CEP63: variants seen among roughly 807,000 people sequenced by gnomAD.
CEP63 encodes the protein centrosomal protein 63.
CEP63 carries 84 observed loss-of-function variants against 89.1 expected under a neutral mutation model. That is an observed-to-expected ratio of 0.94 (90% confidence interval 0.79 to 1.13). CEP63 has a LOEUF of 1.13. Ranked by LOEUF, CEP63 falls within the 50% of genes most tolerant of loss-of-function variation. CEP63 has a pLI of 0.00. For missense variants in CEP63, 838 were observed against 813.3 expected (o/e 1.03, Z -0.37); for synonymous variants, 267 against 272.5 (o/e 0.98, Z 0.20).
the CEP63 span, among the ~76,000 whole-genome samples, chr3:134,602,462 C>G: frequency 1.3e-5 from 2 of 152,154 alleles, no homozygotes; most frequent in Non-Finnish European, 2.9e-5. Context: ...ATGTTTTCTC[C>G]GAGACAGGCA....
At chr3:134,633,249 C>G in the CEP63 span, among the ~76,000 whole-genome samples, 1 of 152,046 alleles carries the variant, frequency 6.6e-6, no homozygotes, top group East Asian at 1.9e-4. Flanking sequence ...CTTCATAACT[C>G]ATTTTATGAG....
chr3:134,642,409 G>A, the CEP63 span, among the ~76,000 whole-genome samples: 1 of 152,194 alleles, frequency 6.6e-6, no homozygotes, highest in African/African-American at 2.4e-5. Flanking sequence ...TCAGACACCA[G>A]GGCCCAGTAT....
chr3:134,537,058 C>A, intron 5 of CEP63, 97 bp from the exon 6 acceptor site: 1 of 810,758 alleles, frequency 1.2e-6, no homozygotes, highest in Non-Finnish European at 2.2e-6. Flanking sequence ...CAAGCGTACC[C>A]AGGGACATGG....
rs139536810 is a variant in CEP63, at chr3:134,532,862, G to T, written c.403G>T (p.Asp135Tyr). ...AGGAAATACCAAAAATCACAGGGAAGATCGGTCTGAAATTGAGAGGTTAAC... is the reference window on the plus strand; with the variant it reads ...AGGAAATACCAAAAATCACAGGGAATATCGGTCTGAAATTGAGAGGTTAAC... ...FRGNTKNHRE[D>Y]RSEIERLTAK... Residue 135 changes from aspartate to tyrosine, a missense_variant, in exon 5 of 15, where the codon GAT becomes TAT. Asp to Tyr is a radical substitution (Grantham distance 160, BLOSUM62 -3). Coordinates refer to ENST00000675561, the MANE Select transcript of CEP63 (RefSeq NM_001353108.3). 35 of 1,613,698 alleles carry T rather than the reference G, an allele frequency of 2.2e-5. No individual in the cohort carries two copies. Among genetic ancestry groups the T allele is most frequent in the Middle Eastern group, 1.6e-4 (1 of 6,082 alleles).
At chr3:134,539,570 T>A (rs544308842) in intron 6 of CEP63, among the ~76,000 whole-genome samples, 93 of 152,294 alleles carry the variant, frequency 6.1e-4, no homozygotes, top group Middle Eastern at 3.4e-3. Flanking sequence ...TACAATTGAA[T>A]GTTTGAGTCA....
At position 134,564,557 on chromosome 3, in the gene CEP63, C is replaced by G; in HGVS notation, c.*3022C>G. Reference sequence around the variant, plus strand: ...GCATGCTGCCTAACACATAACAGATCCTAAGCAAATATTGGGTGGATGAAA... The same window carrying G: ...GCATGCTGCCTAACACATAACAGATGCTAAGCAAATATTGGGTGGATGAAA... On this transcript the variant is annotated 3_prime_UTR_variant, in exon 15 of 15. Transcript: ENST00000675561. 5.1e-6 allele frequency: 5 copies of G among 985,398 alleles called. No homozygotes were observed. Among genetic ancestry groups the G allele is most frequent in the Non-Finnish European group, 6.0e-6 (5 of 829,922 alleles). 61.0% of individuals were successfully genotyped at this position (985,398 alleles called of 1,614,324 possible).
chr3:134,525,057 G>A (rs1481051857), intron 3 of CEP63, among the ~76,000 whole-genome samples: 1 of 152,144 alleles, frequency 6.6e-6, no homozygotes, highest in African/African-American at 2.4e-5. Context: ...TTCAATTTCA[G>A]AACTTGTTAT....
chr3:134,778,708 A>G, the CEP63 span, among the ~76,000 whole-genome samples: 130,921 of 152,088 alleles, frequency 0.86, 56,427 homozygotes, highest in East Asian at 0.92. Flanking sequence ...ACAGGTGCCC[A>G]CCACCATGCC....
chr3:134,724,584 C>T, the CEP63 span, among the ~76,000 whole-genome samples: 3 of 152,178 alleles, frequency 2.0e-5, no homozygotes, highest in African/African-American at 7.2e-5. Context: ...GAACCTGCAG[C>T]GTTCTGTGGG....
chr3:134,749,638 T>C, the CEP63 span, among the ~76,000 whole-genome samples: 1 of 123,950 alleles, frequency 8.1e-6, no homozygotes, highest in East Asian at 2.8e-4. Flanking sequence ...GAGAGACTCA[T>C]AGACCCTCCC....
chr3:134,598,970 C>G, the CEP63 span, among the ~76,000 whole-genome samples: 1 of 152,246 alleles, frequency 6.6e-6, no homozygotes, highest in Non-Finnish European at 1.5e-5. Flanking sequence ...TTCTCCAGCC[C>G]CTTGCCCTCA....
the CEP63 span, chr3:134,650,942 T>C: frequency 2.5e-6 from 4 of 1,613,254 alleles, no homozygotes; most frequent in Admixed American, 6.7e-5. Flanking sequence ...ACAGCGTTGA[T>C]GTCCTTCTTC....
the CEP63 span, among the ~76,000 whole-genome samples, chr3:134,673,739 A>C: frequency 2.0e-5 from 3 of 152,110 alleles, no homozygotes; most frequent in Non-Finnish European, 4.4e-5. Context: ...CCACCAGCAG[A>C]TGACCTCATC....
intron 2 of CEP63, among the ~76,000 whole-genome samples, chr3:134,499,374 G>C (rs1174097378): frequency 6.6e-6 from 1 of 151,932 alleles, no homozygotes; most frequent in African/African-American, 2.4e-5. Context: ...TGCCTTTTCT[G>C]TTTCTGATTT....
At chr3:134,703,763 C>A in the CEP63 span, among the ~76,000 whole-genome samples, 10 of 152,054 alleles carry the variant, frequency 6.6e-5, no homozygotes, top group Non-Finnish European at 1.2e-4. Context: ...TCCACACATC[C>A]TGCACATGAA....
chr3:134,645,094 C>G, the CEP63 span, among the ~76,000 whole-genome samples: 2 of 152,236 alleles, frequency 1.3e-5, no homozygotes, highest in African/African-American at 4.8e-5. Context: ...ATAGTCAAGG[C>G]TGCACAATTG....
At chr3:134,549,613 A>G (rs1334763936) in intron 10 of CEP63, among the ~76,000 whole-genome samples, 3 of 152,130 alleles carry the variant, frequency 2.0e-5, no homozygotes, top group Non-Finnish European at 2.9e-5. Flanking sequence ...GTCTATATGA[A>G]TGGGCCCTAA....
downstream of CEP63, among the ~76,000 whole-genome samples, chr3:134,579,608 C>CTGCG (rs1238235692): frequency 5.9e-5 from 9 of 152,188 alleles, no homozygotes; most frequent in African/African-American, 2.2e-4. Flanking sequence ...TTCAAACCTT[C>CTGCG]TGCGCAGTTT....
At chr3:134,764,654 T>C in the CEP63 span, among the ~76,000 whole-genome samples, 1 of 152,230 alleles carries the variant, frequency 6.6e-6, no homozygotes, top group African/African-American at 2.4e-5. Context: ...AGTCACCAAA[T>C]TAACTTTCGG....
Sources: gnomAD v4.1 joint callset for allele counts (sites outside exome capture counted in the v4.1 genomes callset) on GRCh38, gnomAD v4.1.1 for gene constraint, MANE v1.5 for transcripts, NCBI Gene and HGNC (gene_info 2026-07-23, HGNC 2026-07-21) for gene names.